COPS5: variants seen among roughly 807,000 people sequenced by gnomAD.
COPS5 encodes the protein COP9 signalosome subunit 5, also known as COP9 signalosome complex subunit 5.
A neutral mutation model predicts 44.4 loss-of-function variants in COPS5; 8 were observed. The ratio of observed to expected loss-of-function variants is 0.18; its 90% CI spans 0.11 to 0.32. The LOEUF is 0.32. Among genes scored for constraint, COPS5 ranks in the 10% least tolerant of loss-of-function variants. COPS5 has a pLI of 1.00. For synonymous variants in COPS5, 122 were observed against 142.8 expected, an observed-to-expected ratio of 0.85 and a Z score of 1.04; for missense variants, 159 against 406.4, an observed-to-expected ratio of 0.39 and a Z score of 5.23.
chr8:67,058,791 G>A (rs1419439455), intron 2 of COPS5, among the ~76,000 whole-genome samples: 4 of 151,960 alleles, frequency 2.6e-5, no homozygotes, highest in Admixed American at 6.6e-5. Context: ...ATCACCTGAG[G>A]ACAGGAGTTT....
rs766867960 is a variant in COPS5, at chr8:67,062,086, C to A, written c.-90G>T. 4.4e-6 allele frequency: 7 copies of A among 1,593,318 alleles called. No homozygotes were observed. In the African/African-American group the frequency reaches 8.0e-5, roughly 18 times the overall value. On this transcript the variant is annotated 5_prime_UTR_variant, in exon 1 of 8. Transcript: ENST00000357849. ...CGGGTGTGGGCCTTGACCCTCCGCA[C>A]CACGGGAACAAACTCTTACCTAGAC...
At chr8:67,049,205 C>G (rs755827856) in intron 6 of COPS5, among the ~76,000 whole-genome samples, 1 of 152,116 alleles carries the variant, frequency 6.6e-6, no homozygotes, top group African/African-American at 2.4e-5. Flanking sequence ...TGGCTCACGG[C>G]CTGTAATGGC....
At chr8:67,052,196 G>C (rs994605441) in intron 5 of COPS5, among the ~76,000 whole-genome samples, 2 of 152,148 alleles carry the variant, frequency 1.3e-5, no homozygotes, top group African/African-American at 4.8e-5. Context: ...TCAGGGAAAA[G>C]GCAAGGTGTA....
Position 67,045,747 on chromosome 8 carries a change from A to G in COPS5, c.920+65T>C, listed in dbSNP as rs1433671502. On this transcript the variant is annotated intron_variant, in intron 7 of 7. Transcript: ENST00000357849. ...AGCCATAAGGAATCTGAATACTACT[A>G]TTGTTTGCAAATTTTGAAAGAAAAA... is the stretch of plus-strand genomic sequence containing the variant. The G allele has an allele frequency of 2.0e-6, 3 of 1,537,694 alleles. No individual in the cohort carries two copies. In the African/African-American group the frequency reaches 4.1e-5, roughly 21 times the overall value.
intron 1 of COPS5, chr8:67,060,973 T>C (rs1804597665): frequency 1.2e-5 from 2 of 164,606 alleles, no homozygotes; most frequent in Admixed American, 1.2e-4. Context: ...TGTGAGGCAG[T>C]AGAAGTATGT....
intron 2 of COPS5, among the ~76,000 whole-genome samples, 178 bp downstream of exon 2, chr8:67,059,033 C>CA (rs947159218): frequency 3.4e-5 from 5 of 148,922 alleles, no homozygotes; most frequent in African/African-American, 9.9e-5. Flanking sequence ...CAACAAAAAA[C>CA]AAAAAAAACC....
chr8:67,043,684 A>ATACTATG (rs546478012), intron 7 of COPS5: 301 of 154,750 alleles, frequency 1.9e-3, no homozygotes, highest in Middle Eastern at 6.5e-3. Flanking sequence ...ATTTTAAAGA[A>ATACTATG]TACTATGCTT....
At chr8:67,061,082 C>A in intron 1 of COPS5, 1 of 164,908 alleles carries the variant, frequency 6.1e-6, no homozygotes, top group South Asian at 1.4e-4. Flanking sequence ...TTCCTGATAG[C>A]AGGAAATCTC....
chr8:67,053,789 G>A (rs981336866), intron 5 of COPS5, among the ~76,000 whole-genome samples: 13 of 151,724 alleles, frequency 8.6e-5, no homozygotes, highest in Non-Finnish European at 1.3e-4. Context: ...GGCAGATCAC[G>A]AGGTCATGAG....
intron 1 of COPS5, chr8:67,061,055 C>A (rs543690047): frequency 1.8e-4 from 30 of 166,552 alleles, no homozygotes; most frequent in African/African-American, 6.7e-4. Context: ...TCAAACATAA[C>A]CCGTAATAAT....
intron 6 of COPS5, among the ~76,000 whole-genome samples, chr8:67,048,749 T>C (rs1456331575): frequency 6.7e-6 from 1 of 149,698 alleles, no homozygotes; most frequent in Non-Finnish European, 1.5e-5. Flanking sequence ...CAGTAAATAA[T>C]AGGCTTAAGT....
In COPS5 at chr8:67,062,045, T is replaced by C. The variant is rs1138476; in HGVS notation, c.-49A>G. 49,056 of 1,613,334 alleles carry C rather than the reference T, an allele frequency of 0.03. 1,086 individuals carry two copies. Among genetic ancestry groups the C allele is most frequent in the African/African-American group, 0.097 (7,305 of 75,012 alleles). ...CGTCTCTACAACCAAGACGCAACTT[T>C]ACCTCGCTAGGTTTCCGGGTGTGGG... On this transcript the variant is annotated 5_prime_UTR_variant, in exon 1 of 8. Transcript: ENST00000357849.
At chr8:67,044,370 C>G (rs1338654099) in intron 7 of COPS5, 1 of 151,802 alleles carries the variant, frequency 6.6e-6, no homozygotes, top group Non-Finnish European at 1.5e-5. Flanking sequence ...TTTATGCAGG[C>G]CACTAGCTCT....
intron 6 of COPS5, among the ~76,000 whole-genome samples, chr8:67,050,163 G>T (rs570226827): frequency 6.6e-6 from 1 of 151,996 alleles, no homozygotes; most frequent in African/African-American, 2.4e-5. Flanking sequence ...CACCTCGCCC[G>T]GCTAATTTTT....
chr8:67,056,847 G>A (rs573040241), intron 4 of COPS5, among the ~76,000 whole-genome samples: 2 of 151,214 alleles, frequency 1.3e-5, no homozygotes, highest in East Asian at 1.9e-4. Context: ...TTTGGTGGCT[G>A]TAGGCTGGAT....
chr8:67,054,947 A>C (rs965150585), intron 5 of COPS5, among the ~76,000 whole-genome samples: 3 of 152,250 alleles, frequency 2.0e-5, no homozygotes, highest in African/African-American at 7.2e-5. Flanking sequence ...GGGAAAGAGG[A>C]AACAGAGGTG....
chr8:67,050,532 G>A (rs1411205754), intron 6 of COPS5, among the ~76,000 whole-genome samples: 1 of 150,756 alleles, frequency 6.6e-6, no homozygotes, highest in Admixed American at 6.6e-5. Context: ...ACACAATGAA[G>A]TTTTGCCCGG....
chr8:67,046,212 T>C (rs1262125785), intron 6 of COPS5, among the ~76,000 whole-genome samples: 3 of 152,220 alleles, frequency 2.0e-5, no homozygotes, highest in Non-Finnish European at 4.4e-5. Flanking sequence ...ATTTTTCTCC[T>C]TGACTGCTTA....
In COPS5 at chr8:67,051,327, T is replaced by G; in HGVS notation, c.674A>C (p.Glu225Ala). Residue 225 changes from glutamate to alanine, a missense_variant, in exon 6 of 8, where the codon GAA becomes GCA. Around this residue, in one of 2 missense-constraint regions of COPS5, gnomAD observed 134 missense variants for 376.7 expected, o/e 0.36. Transcript: ENST00000357849. ...CAAAGAGGATTTGAAATATGAGACT[T>G]CTAAGGCATAATATCTATGAAATAA... ...GVHCKQYYAL[E>A]VSYFKSSLDR... 2 of 1,600,604 alleles carry G rather than the reference T, an allele frequency of 1.2e-6. No homozygotes were observed. The highest frequency in any genetic ancestry group is 1.7e-6 in the Non-Finnish European group (2 of 1,170,294).
Sources: gnomAD v4.1 joint callset for allele counts (sites outside exome capture counted in the v4.1 genomes callset) on GRCh38, gnomAD v4.1.1 for gene constraint, gnomAD v4.1.1 regional missense constraint, MANE v1.5 for transcripts, NCBI Gene and HGNC (gene_info 2026-07-23, HGNC 2026-07-21) for gene names.